Variants in GPBP1L1 observed in about 807,000 individuals in gnomAD.
GPBP1L1 encodes the protein vasculin-like protein 1.
A neutral mutation model predicts 52.5 loss-of-function variants in GPBP1L1; 23 were observed. The ratio of observed to expected loss-of-function variants is 0.44; its 90% CI spans 0.32 to 0.62. The LOEUF is 0.62. Among genes scored for constraint, GPBP1L1 ranks in the 20% least tolerant of loss-of-function variants. The probability of loss-of-function intolerance (pLI) is 0.06; values close to 1 mark genes in which losing one functional copy is unlikely to be tolerated. For synonymous variants in GPBP1L1, 243 were observed against 203.1 expected (o/e 1.20, Z -1.67); for missense variants, 596 against 579.3 (o/e 1.03, Z -0.30).
Position 45,628,293 on chromosome 1 carries a change from C to CTGG in GPBP1L1, c.1385_1387dup (p.Thr462dup). The stretch of plus-strand genomic sequence containing the variant: ...ATCGTCATCTGATGTTTCACTGCTA[C>CTGG]TGGTTTCGGTGTCTGAGTCCTCAAA... On this transcript the variant is annotated inframe_insertion, in exon 13 of 13. Coordinates refer to ENST00000355105, the MANE Select transcript of GPBP1L1 (RefSeq NM_021639.5). The CTGG allele has an allele frequency of 6.2e-7, 1 of 1,614,170 alleles. No homozygotes were observed. The highest frequency in any genetic ancestry group is 8.5e-7 in the Non-Finnish European group (1 of 1,180,032).
chr1:45,638,683 T>C (rs1001389894), intron 8 of GPBP1L1, among the ~76,000 whole-genome samples: 3 of 152,206 alleles, frequency 2.0e-5, no homozygotes, highest in Non-Finnish European at 4.4e-5. Flanking sequence ...CTCACGTCTG[T>C]AATCCTAGCA....
intron 2 of GPBP1L1, among the ~76,000 whole-genome samples, chr1:45,663,057 A>AG (rs1644965566): frequency 6.6e-6 from 1 of 151,358 alleles, no homozygotes; most frequent in South Asian, 2.1e-4. Flanking sequence ...TCTCAAAAAA[A>AG]AAAAAAAGCA....
chr1:45,655,168 A>T (rs1485695205), intron 5 of GPBP1L1, 22 bp downstream of exon 5: 3 of 1,613,984 alleles, frequency 1.9e-6, no homozygotes, highest in Non-Finnish European at 1.7e-6. Context: ...AAATATAGTC[A>T]TGAAAGTTGG....
chr1:45,632,038 T>C (rs1449996486), intron 10 of GPBP1L1, among the ~76,000 whole-genome samples: 1 of 152,018 alleles, frequency 6.6e-6, no homozygotes, highest in Non-Finnish European at 1.5e-5. Flanking sequence ...CTGACCAACA[T>C]GGTGAAACCT....
chr1:45,680,482 G>T (rs910615308), intron 2 of GPBP1L1, among the ~76,000 whole-genome samples: 1 of 151,672 alleles, frequency 6.6e-6, no homozygotes, highest in Admixed American at 6.6e-5. Flanking sequence ...CATGTGATCC[G>T]CCTGCCTCAG....
Position 45,668,649 on chromosome 1 carries a change from T to C in GPBP1L1, c.-1097-7424A>G, listed in dbSNP as rs182800336. Among the ~76,000 whole-genome samples the C allele has an allele frequency of 3.9e-5, 6 of 152,252 alleles. No homozygotes were observed. In the South Asian group the frequency reaches 1.2e-3, roughly 32 times the overall value. ...TCCAGCCTGGGCAACAGAGCAAGAC[T>C]CTGTCTCAAAAACAAAAACAAAACA... On this transcript the variant is annotated intron_variant, in intron 2 of 12. Coordinates refer to ENST00000355105, the MANE Select transcript of GPBP1L1 (RefSeq NM_021639.5).
chr1:45,671,073 C>T (rs138847861), intron 2 of GPBP1L1, among the ~76,000 whole-genome samples: 1,564 of 152,116 alleles, frequency 0.01, 20 homozygotes, highest in Middle Eastern at 0.027. Context: ...GGATTACAGG[C>T]GTGAGCCACC....
At chr1:45,675,937 C>T (rs1645134254) in intron 2 of GPBP1L1, among the ~76,000 whole-genome samples, 1 of 152,094 alleles carries the variant, frequency 6.6e-6, no homozygotes, top group Non-Finnish European at 1.5e-5. Context: ...ATTCACTAAC[C>T]CTAATATTTC....
At chr1:45,678,291 A>G (rs1645171092) in intron 2 of GPBP1L1, among the ~76,000 whole-genome samples, 1 of 152,250 alleles carries the variant, frequency 6.6e-6, no homozygotes, top group African/African-American at 2.4e-5. Context: ...ATTTTGTTAT[A>G]TAAATTACAG....
rs746739535 is a variant in GPBP1L1, at chr1:45,634,179, G to A, written c.802C>T (p.Arg268Trp). 1.7e-5 allele frequency: 28 copies of A among 1,613,686 alleles called. No homozygotes were observed. Among genetic ancestry groups the A allele is most frequent in the Admixed American group, 3.3e-5 (2 of 60,002 alleles). Residue 268 changes from arginine to tryptophan, a missense_variant, in exon 9 of 13, where the codon CGG becomes TGG. Coordinates refer to ENST00000355105, the MANE Select transcript of GPBP1L1 (RefSeq NM_021639.5). ...ATTGGACTGGTAAAAGCAGACTCCC[G>A]GCTAGAGGAAAGGGATCCTGACTTG... The part of the protein sequence containing the change: ...EHKSGSLSSS[R>W]ESAFTSPISV...
At chr1:45,681,352 C>A (rs1398851419) in intron 2 of GPBP1L1, among the ~76,000 whole-genome samples, 2 of 152,120 alleles carry the variant, frequency 1.3e-5, no homozygotes, top group African/African-American at 4.8e-5. Flanking sequence ...TACAAGGAAT[C>A]AAGAAAATCT....
At chr1:45,676,200 T>A (rs535829425) in intron 2 of GPBP1L1, among the ~76,000 whole-genome samples, 1 of 152,320 alleles carries the variant, frequency 6.6e-6, no homozygotes, top group East Asian at 1.9e-4. Flanking sequence ...AATTCCTATT[T>A]AAGATTTTCT....
At chr1:45,633,786 A>T in intron 9 of GPBP1L1, 139 bp from the exon 10 acceptor site, 1 of 932,868 alleles carries the variant, frequency 1.1e-6, no homozygotes, top group Non-Finnish European at 1.6e-6. Flanking sequence ...TTATTTAAGC[A>T]GTTCAAACTT....
chr1:45,636,131 T>C (rs1644591080), intron 8 of GPBP1L1, among the ~76,000 whole-genome samples: 1 of 152,196 alleles, frequency 6.6e-6, no homozygotes, highest in Non-Finnish European at 1.5e-5. Context: ...ATCCTTATAT[T>C]ACAAAGGCCA....
chr1:45,636,019 T>G (rs1423470042), intron 8 of GPBP1L1, among the ~76,000 whole-genome samples: 1 of 152,168 alleles, frequency 6.6e-6, no homozygotes, highest in Non-Finnish European at 1.5e-5. Context: ...CAGTATACAT[T>G]ATCTTTCACT....
At chr1:45,669,595 G>C (rs559836800) in intron 2 of GPBP1L1, among the ~76,000 whole-genome samples, 1 of 148,252 alleles carries the variant, frequency 6.7e-6, no homozygotes, top group Non-Finnish European at 1.5e-5. Flanking sequence ...AGTCTTCTTC[G>C]GGGTAAAGGC....
At chr1:45,662,983 G>C (rs185717561) in intron 2 of GPBP1L1, among the ~76,000 whole-genome samples, 1 of 147,808 alleles carries the variant, frequency 6.8e-6, no homozygotes, top group South Asian at 2.2e-4. Context: ...TCCGGGAGGC[G>C]GAGGTTACAG....
rs372107730 is a variant in GPBP1L1 at position 45,629,625 on chromosome 1, A to T, written c.1223T>A (p.Leu408His). ...QEYPENDENC[L>H]PLTEDELKEF... Reference sequence around the variant, plus strand: ...TTTGAGCTCATCCTCTGTGAGGGGAAGGCAATTCTCATCATTTTCAGGATA... The same window carrying T: ...TTTGAGCTCATCCTCTGTGAGGGGATGGCAATTCTCATCATTTTCAGGATA... The change falls in exon 12 of 13, where the codon CTT (leucine) becomes CAT (histidine). Residue 408 changes from leucine (L) to histidine (H), a missense_variant. By Grantham distance (99) the Leu-to-His change is moderately conservative. Coordinates refer to ENST00000355105, the MANE Select transcript of GPBP1L1 (RefSeq NM_021639.5). The T allele has an allele frequency of 6.2e-7, 1 of 1,613,720 alleles. No individual in the cohort carries two copies. Among genetic ancestry groups the T allele is most frequent in the Non-Finnish European group, 8.5e-7 (1 of 1,179,604 alleles).
At chr1:45,647,165 G>GTTT (rs527602907) in intron 6 of GPBP1L1, among the ~76,000 whole-genome samples, 2 of 107,728 alleles carry the variant, frequency 1.9e-5, no homozygotes, top group African/African-American at 3.3e-5. Flanking sequence ...AACTTCTTAG[G>GTTT]ATTTTTTTTT....
Sources: allele counts gnomAD v4.1 joint callset (sites outside exome capture counted in the v4.1 genomes callset), GRCh38; gene constraint gnomAD v4.1.1; transcripts MANE v1.5; gene names NCBI Gene and HGNC (gene_info 2026-07-23, HGNC 2026-07-21).